Variants in HGF observed in about 807,000 individuals in gnomAD.
HGF encodes fibroblast-derived tumor cytotoxic factor.
A neutral mutation model predicts 111.6 loss-of-function variants in HGF; 39 were observed. That is an observed-to-expected ratio of 0.35 (90% CI 0.27 to 0.46). HGF has a LOEUF of 0.46. Among genes scored for constraint, HGF ranks in the 20% least tolerant of loss-of-function variants. The probability of loss-of-function intolerance (pLI) is 1.00; values close to 1 mark genes in which losing one functional copy is unlikely to be tolerated. For missense variants in HGF, 735 were observed against 910.5 expected (o/e 0.81, Z 2.48); for synonymous variants, 285 against 294.8 (o/e 0.97, Z 0.34).
chr7:81,762,986 T>C (rs1177465106), intron 1 of HGF, 114 bp from the exon 2 acceptor site: 1 of 684,644 alleles, frequency 1.5e-6, no homozygotes, highest in African/African-American at 1.8e-5. Context: ...CTTGACAATA[T>C]ACTAGATTTC....
rs2115738070 is a variant in HGF at position 81,701,982 on chromosome 7, G to A, written c.*599C>T. 1 of 171,814 alleles carries A rather than the reference G, an allele frequency of 5.8e-6. No homozygotes were observed. Among genetic ancestry groups the A allele is most frequent in the South Asian group, 2.0e-4 (1 of 4,974 alleles). 10.6% of individuals were successfully genotyped at this position (171,814 alleles called of 1,614,324 possible). A position where few individuals can be genotyped will look rare whatever the true frequency, so the allele number is the denominator to read the frequency against. ...CTAAAATATTTAGGGGTTACATTAGGTACACCATAATTTAAACTGTAGTGC... is the reference window on the plus strand; with the variant it reads ...CTAAAATATTTAGGGGTTACATTAGATACACCATAATTTAAACTGTAGTGC... On this transcript the variant is annotated 3_prime_UTR_variant, in exon 18 of 18. Coordinates refer to ENST00000222390, the MANE Select transcript of HGF (RefSeq NM_000601.6).
intron 7 of HGF, among the ~76,000 whole-genome samples, chr7:81,741,874 G>A (rs1249289573): frequency 7.6e-6 from 1 of 132,022 alleles, no homozygotes; most frequent in Non-Finnish European, 1.6e-5. Context: ...GGAGGCGGAA[G>A]TTGTGGCGAG....
At chr7:81,704,939 CGA>C (rs1309177170) in intron 17 of HGF, among the ~76,000 whole-genome samples, 7 of 151,526 alleles carry the variant, frequency 4.6e-5, no homozygotes, top group African/African-American at 1.7e-4. Flanking sequence ...ATACACAGAG[CGA>C]GAGAGCAAAA....
In HGF at chr7:81,756,620, C is replaced by A. The variant is rs566026091; in HGVS notation, c.482+569G>T. 2.9e-4 allele frequency: 47 copies of A among 159,926 alleles called. 1 individual carries two copies. In the South Asian group the frequency reaches 8.4e-3, roughly 29 times the overall value. The allele number at this position is 159,926 out of a possible 1,614,324, so 9.9% of individuals were successfully genotyped here. A position where few individuals can be genotyped will look rare whatever the true frequency, so the allele number is the denominator to read the frequency against. On this transcript the variant is annotated intron_variant, in intron 4 of 17. Coordinates refer to ENST00000222390, the MANE Select transcript of HGF (RefSeq NM_000601.6). ...AAAGCTGGTCAATCTGAAGCTTGAG[C>A]TTTTAGCAGTGGTTCTCAAATTTGG...
Position 81,762,843 on chromosome 7 carries a change from G to T in HGF, c.118C>A (p.His40Asn), listed in dbSNP as rs1241118241. Residue 40 changes from histidine (H) to asparagine (N), a missense_variant, in exon 2 of 18, where the codon CAT (histidine) becomes AAT (asparagine). His to Asn is a moderately conservative substitution (Grantham distance 68, BLOSUM62 1). This residue lies in a region of HGF where 553 missense variants were observed against 685.6 expected (regional missense o/e 0.81). Coordinates refer to ENST00000222390, the MANE Select transcript of HGF (RefSeq NM_000601.6). ...GTCTTTGCTGATTTTTTGAATTCAT[G>T]AATTGTATTTCTTCTTTTCCTTTGT... ...EGQRKRRNTI[H>N]EFKKSAKTTL... The T allele has an allele frequency of 1.3e-6, 2 of 1,582,426 alleles. No homozygotes were observed. The highest frequency in any genetic ancestry group is 1.7e-5 in the Admixed American group (1 of 59,894).
chr7:81,737,251 C>T (rs1260727850), intron 7 of HGF, among the ~76,000 whole-genome samples: 1 of 151,982 alleles, frequency 6.6e-6, no homozygotes, highest in Non-Finnish European at 1.5e-5. Flanking sequence ...AACAGACCCT[C>T]CCATCTCCCC....
intron 7 of HGF, among the ~76,000 whole-genome samples, chr7:81,741,576 T>C (rs1788004234): frequency 1.4e-5 from 2 of 147,404 alleles, no homozygotes; most frequent in African/African-American, 5.1e-5. Context: ...TATGTGTGTG[T>C]GTGTGTCTGT....
intron 17 of HGF, among the ~76,000 whole-genome samples, chr7:81,704,303 G>A (rs5745760): frequency 0.023 from 3,492 of 151,688 alleles, 132 homozygotes; most frequent in African/African-American, 0.078. Context: ...AATTGGTTTT[G>A]GTAATGACAA....
intron 7 of HGF, chr7:81,743,008 G>A: frequency 7.0e-7 from 1 of 1,437,610 alleles, no homozygotes; most frequent in Non-Finnish European, 9.8e-7. Context: ...TAAGGTCCTA[G>A]CTTTTACTCC....
rs966049863 is a variant in HGF at position 81,699,740 on chromosome 7, A to G, written c.*2841T>C. 6.6e-5 allele frequency: 10 copies of G among 151,694 alleles called. No homozygotes were observed. The highest frequency in any genetic ancestry group is 1.9e-4 in the African/African-American group (8 of 41,416). 9.4% of individuals were successfully genotyped at this position (151,694 alleles called of 1,614,324 possible). On this transcript the variant is annotated 3_prime_UTR_variant, in exon 18 of 18. Coordinates refer to ENST00000222390, the MANE Select transcript of HGF (RefSeq NM_000601.6). The stretch of plus-strand genomic sequence containing the variant: ...AGTACCATTGGTACCAACAAGAAAT[A>G]TTCACAGGAATAAGTGAAATACAAT...
At chr7:81,745,175 A>G in intron 5 of HGF, 55 bp from the exon 6 acceptor site, 1 of 1,589,320 alleles carries the variant, frequency 6.3e-7, no homozygotes, top group Non-Finnish European at 8.6e-7. Flanking sequence ...AATCAAAAAC[A>G]CCACTGTTGC....
In HGF at chr7:81,757,255, G is replaced by A. The variant is rs969488858; in HGVS notation, c.416C>T (p.Thr139Ile). ...GATGCCACTCTTAGTGATAGATACT[G>A]TTCCCTTGTAGCTGCGTCCTTTACC... ...IIGKGRSYKGTVSITKSGIKC... is the reference protein window; with the variant it reads ...IIGKGRSYKGIVSITKSGIKC... Residue 139 changes from threonine (T) to isoleucine (I), a missense_variant, in exon 4 of 18, where the codon ACA becomes ATA. By Grantham distance (89) the Thr-to-Ile change is moderately conservative. Transcript: ENST00000222390. The A allele has an allele frequency of 1.2e-6, 2 of 1,609,518 alleles. No homozygotes were observed. The highest frequency in any genetic ancestry group is 1.7e-5 in the Admixed American group (1 of 60,014).
chr7:81,703,501 G>C (rs1789341780), intron 17 of HGF, among the ~76,000 whole-genome samples: 1 of 150,044 alleles, frequency 6.7e-6, no homozygotes, highest in Non-Finnish European at 1.5e-5. Flanking sequence ...TGAACAGATA[G>C]CTTTATTTGT....
At chr7:81,715,871 CT>C (rs1789697455) in intron 11 of HGF, among the ~76,000 whole-genome samples, 1 of 152,088 alleles carries the variant, frequency 6.6e-6, no homozygotes, top group African/African-American at 2.4e-5. Flanking sequence ...ACTAGCTTGT[CT>C]CACAAGAAAA....
At chr7:81,756,258 C>A in intron 4 of HGF, 1 of 544,960 alleles carries the variant, frequency 1.8e-6, no homozygotes, top group South Asian at 2.5e-5. Flanking sequence ...TAAAATAGAA[C>A]CAATAAAACT....
chr7:81,745,159 C>T (rs777246361), intron 5 of HGF, 39 bp from the exon 6 acceptor site: 2 of 1,609,250 alleles, frequency 1.2e-6, no homozygotes, highest in Non-Finnish European at 1.7e-6. Flanking sequence ...TTGTTTCTGA[C>T]AGCAAAATCA....
chr7:81,751,253 C>T (rs1028280549), intron 5 of HGF: 8 of 982,476 alleles, frequency 8.1e-6, no homozygotes, highest in African/African-American at 1.7e-5. Context: ...ACTCCAAAAT[C>T]CTAACAATTT....
chr7:81,724,313 C>T (rs955967109), intron 9 of HGF, among the ~76,000 whole-genome samples: 4 of 152,066 alleles, frequency 2.6e-5, no homozygotes, highest in Admixed American at 2.0e-4. Flanking sequence ...CAGAGTTGCT[C>T]GTGAAGAATG....
chr7:81,721,036 G>C (rs1403114313), intron 9 of HGF, among the ~76,000 whole-genome samples, 189 bp from the exon 10 acceptor site: 4 of 152,248 alleles, frequency 2.6e-5, no homozygotes, highest in African/African-American at 4.8e-5. Context: ...ACGAGGTCAG[G>C]AGATCGAGAC....
Sources: gnomAD v4.1 joint callset for allele counts (sites outside exome capture counted in the v4.1 genomes callset) on GRCh38, gnomAD v4.1.1 for gene constraint, gnomAD v4.1.1 regional missense constraint, MANE v1.5 for transcripts, NCBI Gene and HGNC (gene_info 2026-07-23, HGNC 2026-07-21) for gene names.